The following SHANK1 variants were observed in gnomAD, a reference collection of about 807,000 sequenced individuals.
SHANK1 encodes the protein SH3 and multiple ankyrin repeat domains 1.
In SHANK1, 35 loss-of-function variants were observed where a neutral mutation model predicts 165.6. That is an observed-to-expected ratio of 0.21 (90% confidence interval 0.16 to 0.28). The LOEUF (loss-of-function observed/expected upper bound fraction) is 0.28. SHANK1 is among the 10% of genes least tolerant of loss of function. SHANK1 has a pLI of 1.00. For missense variants in SHANK1, 2,681 were observed against 3,036.4 expected, an observed-to-expected ratio of 0.88 and a Z score of 2.75; for synonymous variants, 1,428 against 1,384.8, an observed-to-expected ratio of 1.03 and a Z score of -0.69.
At chr19:50,678,755 G>A (rs1237598744) in intron 21 of SHANK1, among the ~76,000 whole-genome samples, 1 of 108,182 alleles carries the variant, frequency 9.2e-6, no homozygotes, top group African/African-American at 4.4e-5. Flanking sequence ...TCAGGGTGAT[G>A]GGGAAAGGTC....
In SHANK1 at chr19:50,716,730, C is replaced by T. The variant is rs774877899; in HGVS notation, c.190G>A (p.Val64Ile). The change falls in exon 2 of 24, where the codon GTC becomes ATC. Residue 64 changes from valine (V) to isoleucine (I), a missense_variant. Around this residue, in one of 10 missense-constraint regions of SHANK1, gnomAD observed 118 missense variants for 106.9 expected, o/e 1.10. Coordinates refer to ENST00000293441, the MANE Select transcript of SHANK1 (RefSeq NM_016148.5). The surrounding 1 kb of genome is among the most constrained non-coding windows in gnomAD (Gnocchi z 8.4). The stretch of plus-strand genomic sequence containing the variant: ...ATGCTGAAGTGGGCGTCGTCTGGGA[C>T]GGACATTGAGCGGCCCTGGAGGCCT... The part of the protein sequence containing the change: ...VRGLQGRSMS[V>I]PDDAHFSMMV... 46 of 1,607,376 alleles carry T rather than the reference C, an allele frequency of 2.9e-5. No homozygotes were observed. The highest frequency in any genetic ancestry group is 4.5e-5 in the East Asian group (2 of 44,758).
chr19:50,716,192 G>A lies in SHANK1; in HGVS notation c.459+83C>T, dbSNP rs185959592. The stretch of plus-strand genomic sequence containing the variant: ...CTGGGTGCCCCCTCGTTAAGGTTTC[G>A]AGTGTGTTAAAAAGTGGGTGGGGGG... On this transcript the variant is annotated intron_variant, in intron 3 of 23. Coordinates refer to ENST00000293441, the MANE Select transcript of SHANK1 (RefSeq NM_016148.5). The surrounding 1 kb of genome is among the most constrained non-coding windows in gnomAD (Gnocchi z 8.4). 5.5e-4 allele frequency: 730 copies of A among 1,323,566 alleles called. 2 individuals carry two copies. In the African/African-American group the frequency reaches 6.4e-3, roughly 12 times the overall value. 82.0% of individuals were successfully genotyped at this position (1,323,566 alleles called of 1,614,324 possible). A position where few individuals can be genotyped will look rare whatever the true frequency, so the allele number is the denominator to read the frequency against.
chr19:50,693,449 G>A (rs1986607985), intron 15 of SHANK1, among the ~76,000 whole-genome samples: 1 of 150,536 alleles, frequency 6.6e-6, no homozygotes, highest in South Asian at 2.1e-4. Context: ...CTGCCCTGCA[G>A]GAGCCCACAC....
chr19:50,679,199 A>C (rs1599848678), intron 21 of SHANK1, among the ~76,000 whole-genome samples: 1 of 103,800 alleles, frequency 9.6e-6, no homozygotes, highest in Admixed American at 1.0e-4. Flanking sequence ...TGTGACGGGG[A>C]GGGGTCAGGG....
chr19:50,663,743 GAAAAA>G (rs570620815), intron 23 of SHANK1, among the ~76,000 whole-genome samples: 1 of 112,994 alleles, frequency 8.9e-6, no homozygotes, highest in Non-Finnish European at 1.9e-5. Flanking sequence ...ACAAGCAGTG[GAAAAA>G]AAAAAAAAGA....
chr19:50,712,155 C>T, intron 6 of SHANK1, 41 bp from the exon 7 acceptor site: 1 of 1,543,002 alleles, frequency 6.5e-7, no homozygotes, highest in South Asian at 1.3e-5. Context: ...ACACAGATGA[C>T]AGTCACACAT....
chr19:50,668,608 C>G lies in SHANK1; in HGVS notation c.3352G>C (p.Gly1118Arg). Reference sequence around the variant, plus strand: ...AGGCCGCCGCCCTTCTGGGGCTCGCCTTCCACCTTGGTCTGCTTGACCAGC... The same window carrying G: ...AGGCCGCCGCCCTTCTGGGGCTCGCGTTCCACCTTGGTCTGCTTGACCAGC... Reference protein sequence around the residue: ...GPLVKQTKVEGEPQKGGGLPP... With the variant: ...GPLVKQTKVEREPQKGGGLPP... Residue 1118 changes from glycine (G) to arginine (R), a missense_variant, in exon 23 of 24, where the codon GGC (glycine) becomes CGC (arginine). This residue lies in a region of SHANK1 where 1,713 missense variants were observed against 1,630.2 expected (regional missense o/e 1.05). Transcript: ENST00000293441. 1 of 1,377,000 alleles carries G rather than the reference C, an allele frequency of 7.3e-7. No individual in the cohort carries two copies. The allele number at this position is 1,377,000 out of a possible 1,614,324, so 85.3% of individuals were successfully genotyped here. A position where few individuals can be genotyped will look rare whatever the true frequency, so the allele number is the denominator to read the frequency against.
Position 50,668,230 on chromosome 19 carries a change from C to G in SHANK1, c.3730G>C (p.Gly1244Arg), listed in dbSNP as rs1337864502. 15 of 1,484,130 alleles carry G rather than the reference C, an allele frequency of 1.0e-5. No individual in the cohort carries two copies. The highest frequency in any genetic ancestry group is 1.1e-5 in the Non-Finnish European group (13 of 1,131,062). The allele number at this position is 1,484,130 out of a possible 1,614,324, so 91.9% of individuals were successfully genotyped here. A position where few individuals can be genotyped will look rare whatever the true frequency, so the allele number is the denominator to read the frequency against. Reference protein sequence around the residue: ...AALVGAARREGGWQNEARRRS... With the variant: ...AALVGAARRERGWQNEARRRS... ...CGGCGCGCCTCATTCTGCCAGCCCCCCTCCCTCCGGGCCGCCCCCACCAGG... is the reference window on the plus strand; with the variant it reads ...CGGCGCGCCTCATTCTGCCAGCCCCGCTCCCTCCGGGCCGCCCCCACCAGG... Residue 1244 changes from glycine (G) to arginine (R), a missense_variant, in exon 23 of 24, where the codon GGG (glycine) becomes CGG (arginine). Physicochemically the swap from Gly to Arg is moderately radical, Grantham distance 125 (BLOSUM62 -2). Transcript: ENST00000293441.
chr19:50,704,252 G>C, intron 9 of SHANK1, 66 bp from the exon 10 acceptor site: 1 of 1,518,836 alleles, frequency 6.6e-7, no homozygotes, highest in East Asian at 2.3e-5. Flanking sequence ...GGCAGGGAAC[G>C]TGGCGAGGTC....
intron 8 of SHANK1, 49 bp downstream of exon 8, chr19:50,711,322 G>T: frequency 1.5e-6 from 2 of 1,301,384 alleles, no homozygotes; most frequent in Non-Finnish European, 1.1e-6. Flanking sequence ...CCTGGGGGAG[G>T]CGGCTATCGG....
rs1356877249 is a variant in SHANK1 at position 50,686,691 on chromosome 19, G to A, written c.2458+53C>T. ...GTTCATGGTGGGACAGGGATGCAGCGGGTGCCGGGGCTGGGGCCCGGCATC... is the reference window on the plus strand; with the variant it reads ...GTTCATGGTGGGACAGGGATGCAGCAGGTGCCGGGGCTGGGGCCCGGCATC... On this transcript the variant is annotated intron_variant, in intron 20 of 23. Coordinates refer to ENST00000293441, the MANE Select transcript of SHANK1 (RefSeq NM_016148.5). The surrounding 1 kb of genome is among the most constrained non-coding windows in gnomAD (Gnocchi z 5.7). The A allele has an allele frequency of 2.6e-6, 4 of 1,539,218 alleles. No homozygotes were observed. Among genetic ancestry groups the A allele is most frequent in the African/African-American group, 1.4e-5 (1 of 73,112 alleles).
intron 7 of SHANK1, 109 bp from the exon 8 acceptor site, chr19:50,711,596 C>T (rs986191761): frequency 1.2e-5 from 9 of 778,068 alleles, no homozygotes; most frequent in African/African-American, 1.7e-5. Context: ...TATCGTTCAC[C>T]GCATCCACCT....
At chr19:50,687,796 C>T in intron 18 of SHANK1, 127 bp downstream of exon 18, 4 of 1,403,068 alleles carry the variant, frequency 2.9e-6, no homozygotes, top group Admixed American at 2.1e-5. Context: ...CAGTTTCTCC[C>T]CACAAGGGTC....
At chr19:50,689,306 GGGT>G in intron 15 of SHANK1, 27 bp from the exon 16 acceptor site, 3 of 1,469,518 alleles carry the variant, frequency 2.0e-6, no homozygotes, top group Non-Finnish European at 2.9e-6. Context: ...AGAAATGGGG[GGGT>G]GGTGGGGGGA....
At chr19:50,699,492 T>A (rs1986837480) in intron 12 of SHANK1, among the ~76,000 whole-genome samples, 1 of 152,052 alleles carries the variant, frequency 6.6e-6, no homozygotes, top group South Asian at 2.1e-4. Flanking sequence ...GTCCCTGAGG[T>A]GTGACACATA....
At chr19:50,689,871 T>C (rs1032125624) in intron 15 of SHANK1, among the ~76,000 whole-genome samples, 2 of 152,184 alleles carry the variant, frequency 1.3e-5, no homozygotes, top group African/African-American at 4.8e-5. Context: ...AATTCCTTTA[T>C]ACATATGTCA....
Position 50,662,997 on chromosome 19 carries a change from T to G in SHANK1, c.5769-315A>C. Reference sequence around the variant, plus strand: ...ACTGATGCTCACGTGTGCCAGGCATTGTTCTAAGTGCTTTACATGATTGCA... The same window carrying G: ...ACTGATGCTCACGTGTGCCAGGCATGGTTCTAAGTGCTTTACATGATTGCA... On this transcript the variant is annotated intron_variant, in intron 23 of 23. Transcript: ENST00000293441. The surrounding 1 kb of genome is among the most constrained non-coding windows in gnomAD (Gnocchi z 7.7). The G allele has an allele frequency of 7.7e-6, 3 of 391,636 alleles. No homozygotes were observed. Among genetic ancestry groups the G allele is most frequent in the East Asian group, 5.5e-5 (1 of 18,050 alleles). 24.3% of individuals were successfully genotyped at this position (391,636 alleles called of 1,614,324 possible).
rs926250397 is a variant in SHANK1 at position 50,690,411 on chromosome 19, G to C, written c.1965-1132C>G. Among the ~76,000 whole-genome samples the C allele has an allele frequency of 4.6e-5, 7 of 152,004 alleles. No homozygotes were observed. The highest frequency in any genetic ancestry group is 8.8e-5 in the Non-Finnish European group (6 of 67,996). On this transcript the variant is annotated intron_variant, in intron 15 of 23. Transcript: ENST00000293441. The surrounding 1 kb of genome is among the most constrained non-coding windows in gnomAD (Gnocchi z 4.9). Reference sequence around the variant, plus strand: ...CATTCCCAGAGGATCCGACACCCCAGTCTACATCAGGAATACTCAGACACC... The same window carrying C: ...CATTCCCAGAGGATCCGACACCCCACTCTACATCAGGAATACTCAGACACC...
intron 22 of SHANK1, among the ~76,000 whole-genome samples, 195 bp from the exon 23 acceptor site, chr19:50,669,480 C>T (rs1985711234): frequency 6.6e-6 from 1 of 152,122 alleles, no homozygotes; most frequent in Admixed American, 6.5e-5. Flanking sequence ...ACAGGTTGTG[C>T]ACTGCACAAC....
Sources: allele counts gnomAD v4.1 joint callset (sites outside exome capture counted in the v4.1 genomes callset), GRCh38; gene constraint gnomAD v4.1.1; regional missense constraint gnomAD v4.1.1; non-coding constraint Gnocchi (gnomAD v3.1); transcripts MANE v1.5; gene names NCBI Gene and HGNC (gene_info 2026-07-23, HGNC 2026-07-21).